The following ICA1L variants were observed in gnomAD, a reference collection of about 807,000 sequenced individuals.
ICA1L encodes the protein islet cell autoantigen 1-like protein.
A neutral mutation model predicts 61.3 loss-of-function variants in ICA1L; 50 were observed. The ratio of observed to expected loss-of-function variants is 0.82; its 90% CI spans 0.65 to 1.03. The LOEUF is 1.03. Among genes scored for constraint, ICA1L ranks in the 50% least tolerant of loss-of-function variants. The probability of loss-of-function intolerance (pLI) is 0.00; values close to 1 mark genes in which losing one functional copy is unlikely to be tolerated. For missense variants in ICA1L, 508 were observed against 556.7 expected (o/e 0.91, Z 0.88); for synonymous variants, 161 against 191.3 (o/e 0.84, Z 1.31).
intron 10 of ICA1L, among the ~76,000 whole-genome samples, chr2:202,795,453 G>A (rs1442192064): frequency 6.6e-6 from 1 of 152,136 alleles, no homozygotes; most frequent in Non-Finnish European, 1.5e-5. Flanking sequence ...AAATTAGCCA[G>A]GCATGGTGGC....
At position 202,849,767 on chromosome 2, in the gene ICA1L, G is replaced by A. The variant is rs117949457; in HGVS notation, c.-7-20751C>T. Among the ~76,000 whole-genome samples, 1 of 152,170 alleles carries A rather than the reference G, an allele frequency of 6.6e-6. No individual in the cohort carries two copies. The highest frequency in any genetic ancestry group is 2.4e-5 in the African/African-American group (1 of 41,444). ...AGAGAGCATCTGATCCTGACAAGGA[G>A]GATTCTCCCAGCACAGCAATTGAGC... On this transcript the variant is annotated intron_variant, in intron 1 of 12. Transcript: ENST00000358299. This position sits in a 1 kb window ranked among gnomAD's most constrained non-coding sequence, Gnocchi z 4.5.
At chr2:202,781,041 T>C (rs1471655792) in intron 12 of ICA1L, among the ~76,000 whole-genome samples, 1 of 152,180 alleles carries the variant, frequency 6.6e-6, no homozygotes, top group Non-Finnish European at 1.5e-5. Context: ...CTGAAAAGTA[T>C]GTAAATATTG....
intron 1 of ICA1L, among the ~76,000 whole-genome samples, chr2:202,868,828 C>T (rs10185521): frequency 0.31 from 47,735 of 151,548 alleles, 8,315 homozygotes; most frequent in East Asian, 0.6. Flanking sequence ...ATTAGCTGGG[C>T]GTGATGGCAT....
At chr2:202,867,995 C>T (rs1456836046) in intron 1 of ICA1L, among the ~76,000 whole-genome samples, 1 of 152,108 alleles carries the variant, frequency 6.6e-6, no homozygotes, top group African/African-American at 2.4e-5. Flanking sequence ...TGGAATACCA[C>T]TCAGCAACAG....
chr2:202,835,568 A>G (rs1480050715), intron 1 of ICA1L, among the ~76,000 whole-genome samples: 1 of 144,998 alleles, frequency 6.9e-6, no homozygotes, highest in Non-Finnish European at 1.5e-5. Context: ...TTTTTTTGAG[A>G]CGTAGTCTTA....
chr2:202,838,802 A>T (rs1694226090), intron 1 of ICA1L, among the ~76,000 whole-genome samples: 1 of 152,224 alleles, frequency 6.6e-6, no homozygotes, highest in African/African-American at 2.4e-5. Flanking sequence ...TTGTACAGGA[A>T]GTACGGTGCT....
chr2:202,820,711 G>A (rs565630097), intron 4 of ICA1L, among the ~76,000 whole-genome samples: 44 of 152,182 alleles, frequency 2.9e-4, no homozygotes, highest in African/African-American at 1.1e-3. Context: ...ACCATTGGAG[G>A]GCCCTGTACT....
chr2:202,781,697 G>A (rs1373087307), intron 12 of ICA1L, among the ~76,000 whole-genome samples: 5 of 152,076 alleles, frequency 3.3e-5, no homozygotes, highest in African/African-American at 1.2e-4. Flanking sequence ...CCATTCTGGT[G>A]TGTTATTAAC....
intron 1 of ICA1L, among the ~76,000 whole-genome samples, chr2:202,856,805 G>T (rs1694781640): frequency 6.6e-6 from 1 of 152,104 alleles, no homozygotes. Flanking sequence ...AAATTCATGT[G>T]CAAAAATCAC....
At chr2:202,798,988 GTA>G (rs1574335713) in intron 9 of ICA1L, among the ~76,000 whole-genome samples, 1 of 151,596 alleles carries the variant, frequency 6.6e-6, no homozygotes, top group Non-Finnish European at 1.5e-5. Flanking sequence ...ATTCCATTGT[GTA>G]TATATACTAC....
chr2:202,792,419 A>C (rs1692781471), intron 10 of ICA1L, among the ~76,000 whole-genome samples: 2 of 152,362 alleles, frequency 1.3e-5, no homozygotes, highest in Admixed American at 6.5e-5. Flanking sequence ...TATAATAGCC[A>C]AAAATTATAA....
intron 7 of ICA1L, among the ~76,000 whole-genome samples, chr2:202,815,465 A>G (rs1693507109): frequency 6.6e-6 from 1 of 152,184 alleles, no homozygotes; most frequent in Non-Finnish European, 1.5e-5. Flanking sequence ...ATCAGTGTAA[A>G]AGTAAAACAA....
At chr2:202,852,671 CAAAAAA>C (rs574400027) in intron 1 of ICA1L, among the ~76,000 whole-genome samples, 7 of 42,194 alleles carry the variant, frequency 1.7e-4, no homozygotes, top group African/African-American at 8.0e-4. Flanking sequence ...GACTCTGTCT[CAAAAAA>C]AAAAAAAAAA....
At chr2:202,792,185 A>G (rs1301449507) in intron 10 of ICA1L, among the ~76,000 whole-genome samples, 1 of 152,106 alleles carries the variant, frequency 6.6e-6, no homozygotes, top group Non-Finnish European at 1.5e-5. Flanking sequence ...AAAATAAAAT[A>G]TAGACAATAC....
chr2:202,814,877 A>G, intron 7 of ICA1L, 93 bp from the exon 8 acceptor site: 1 of 851,982 alleles, frequency 1.2e-6, no homozygotes, highest in Non-Finnish European at 1.9e-6. Context: ...AAAGAACCAT[A>G]TGAAATAGGA....
chr2:202,803,164 C>T (rs1693129456), intron 9 of ICA1L, among the ~76,000 whole-genome samples: 1 of 152,000 alleles, frequency 6.6e-6, no homozygotes, highest in Non-Finnish European at 1.5e-5. Context: ...TCCCAGCACT[C>T]TGGGAGTCCA....
chr2:202,774,203 A>G lies in ICA1L; in HGVS notation c.*5330T>C. The G allele has an allele frequency of 6.4e-7, 1 of 1,550,864 alleles. No homozygotes were observed. Among genetic ancestry groups the G allele is most frequent in the South Asian group, 1.2e-5 (1 of 84,050 alleles). On this transcript the variant is annotated 3_prime_UTR_variant, in exon 13 of 13. Coordinates refer to ENST00000358299, the MANE Select transcript of ICA1L (RefSeq NM_001288622.3). ...GAGCGGGCACACCAGGAACTCCAGC[A>G]GCGCCGGATCGAAGGCGCGGGGCGG...
At chr2:202,843,965 G>T (rs1694402696) in intron 1 of ICA1L, among the ~76,000 whole-genome samples, 1 of 152,148 alleles carries the variant, frequency 6.6e-6, no homozygotes, top group Admixed American at 6.5e-5. Flanking sequence ...CAGAAGCAAT[G>T]AATGTGTTTT....
rs1046862343 is a variant in ICA1L, at chr2:202,810,436, C to T, written c.910+1310G>A. 5.3e-5 allele frequency among the ~76,000 whole-genome samples: 8 copies of T among 152,320 alleles called. No individual in the cohort carries two copies. In the East Asian group the frequency reaches 1.2e-3, roughly 22 times the overall value. On this transcript the variant is annotated intron_variant, in intron 9 of 12. Coordinates refer to ENST00000358299, the MANE Select transcript of ICA1L (RefSeq NM_001288622.3). Reference sequence around the variant, plus strand: ...GATTTCATGGACACTTATCACTTCCCCAGTCAATACCCTTGTGATTTCCTA... The same window carrying T: ...GATTTCATGGACACTTATCACTTCCTCAGTCAATACCCTTGTGATTTCCTA...
Sources: gnomAD v4.1 joint callset for allele counts (sites outside exome capture counted in the v4.1 genomes callset) on GRCh38, gnomAD v4.1.1 for gene constraint, Gnocchi (gnomAD v3.1) non-coding constraint, MANE v1.5 for transcripts, NCBI Gene and HGNC (gene_info 2026-07-23, HGNC 2026-07-21) for gene names.